Variants in PRRC2C observed in about 807,000 individuals in gnomAD.
PRRC2C encodes proline rich coiled-coil 2C.
Under a neutral mutation model 317.2 loss-of-function variants are expected in PRRC2C, and 72 were observed. The observed-to-expected ratio is 0.23, with a 90% confidence interval of 0.19 to 0.28. PRRC2C has a LOEUF of 0.28. Ranked by LOEUF, PRRC2C falls within the 10% of genes least tolerant of loss-of-function variation. The pLI, the probability that PRRC2C is intolerant of heterozygous loss-of-function variation, is 1.00. For missense variants in PRRC2C, 3,074 were observed against 3,459.7 expected (o/e 0.89, Z 2.80); for synonymous variants, 1,296 against 1,205.9 (o/e 1.07, Z -1.55).
intron 1 of PRRC2C, among the ~76,000 whole-genome samples, chr1:171,501,241 G>A (rs540107000): frequency 4.7e-5 from 7 of 149,560 alleles, no homozygotes; most frequent in African/African-American, 1.2e-4. Context: ...GCAGTCCTCC[G>A]TGCCTCAGCC....
In PRRC2C at chr1:171,541,358, A is replaced by C. The variant is rs373909749; in HGVS notation, c.3892A>C (p.Lys1298Gln). 7.4e-6 allele frequency: 12 copies of C among 1,611,682 alleles called. No individual in the cohort carries two copies. The East Asian group carries it at 1.3e-4, about 18-fold the overall frequency. ...CAAAAGAGAGGAACGGCCTGAAAACAAAAAACCTGTAAAGCCTCATTCTTC... is the reference window on the plus strand; with the variant it reads ...CAAAAGAGAGGAACGGCCTGAAAACCAAAAACCTGTAAAGCCTCATTCTTC... The part of the protein sequence containing the change: ...LPKREERPEN[K>Q]KPVKPHSSFK... The change falls in exon 16 of 35, where the codon AAA becomes CAA. Residue 1298 changes from lysine (K) to glutamine (Q), a missense_variant. Lys to Gln is a moderately conservative substitution (Grantham distance 53, BLOSUM62 1). Transcript: ENST00000647382. The surrounding 1 kb of genome is among the most constrained non-coding windows in gnomAD (Gnocchi z 4.1).
chr1:171,524,771 C>T, intron 9 of PRRC2C, 50 bp from the exon 10 acceptor site: 1 of 1,489,310 alleles, frequency 6.7e-7, no homozygotes, highest in South Asian at 1.4e-5. Flanking sequence ...AATGTGTGTA[C>T]TTATGATACA....
At chr1:171,487,914 T>C (rs960313986) in intron 1 of PRRC2C, among the ~76,000 whole-genome samples, 2 of 152,210 alleles carry the variant, frequency 1.3e-5, no homozygotes, top group East Asian at 1.9e-4. Flanking sequence ...TGTCTACTTA[T>C]ATGCAGGATT....
chr1:171,570,147 G>A (rs1197127753), intron 23 of PRRC2C, among the ~76,000 whole-genome samples: 2 of 152,168 alleles, frequency 1.3e-5, no homozygotes, highest in African/African-American at 4.8e-5. Flanking sequence ...TCATGGTGTT[G>A]CTTACTTGTG....
At chr1:171,515,023 G>A (rs58832725) in intron 4 of PRRC2C, among the ~76,000 whole-genome samples, 12,331 of 152,236 alleles carry the variant, frequency 0.081, 1,646 homozygotes, top group African/African-American at 0.28. Flanking sequence ...ATGCTGCCAC[G>A]ATTCCTGAGA....
At chr1:171,590,426 T>C (rs1651171859) in intron 34 of PRRC2C, among the ~76,000 whole-genome samples, 1 of 152,216 alleles carries the variant, frequency 6.6e-6, no homozygotes, top group Non-Finnish European at 1.5e-5. Context: ...TCAGGGATCT[T>C]AGTAATTTTT....
intron 12 of PRRC2C, 138 bp downstream of exon 12, chr1:171,533,099 T>C (rs1676166636): frequency 3.4e-6 from 3 of 879,440 alleles, no homozygotes; most frequent in Non-Finnish European, 4.8e-6. Context: ...CAGTACAAAA[T>C]ATGGGCTAGA....
chr1:171,501,794 A>G (rs1213740014), intron 1 of PRRC2C, among the ~76,000 whole-genome samples: 1 of 152,222 alleles, frequency 6.6e-6, no homozygotes, highest in African/African-American at 2.4e-5. Flanking sequence ...GGCAAATGCT[A>G]CTGAGCATGC....
chr1:171,525,136 T>C (rs1402408725), intron 10 of PRRC2C, among the ~76,000 whole-genome samples, 171 bp downstream of exon 10: 1 of 152,222 alleles, frequency 6.6e-6, no homozygotes, highest in African/African-American at 2.4e-5. Context: ...TTATTGCATT[T>C]AACCGGAATT....
In PRRC2C at chr1:171,517,588, T is replaced by G; in HGVS notation, c.527-3T>G. The stretch of plus-strand genomic sequence containing the variant: ...TTTCCTTTTTTCTCTGCCTTCATAC[T>G]AGATGTTGCTTGTTGGAGAGATGGT... On this transcript the variant is annotated splice_region_variant and splice_polypyrimidine_tract_variant and intron_variant, in intron 5 of 34. Coordinates refer to ENST00000647382, the MANE Select transcript of PRRC2C (RefSeq NM_001387844.1). The G allele has an allele frequency of 6.2e-7, 1 of 1,611,760 alleles. No homozygotes were observed. The highest frequency in any genetic ancestry group is 8.5e-7 in the Non-Finnish European group (1 of 1,178,736).
In PRRC2C at chr1:171,527,848, A is replaced by G; in HGVS notation, c.1254+4A>G. 1.3e-6 allele frequency: 2 copies of G among 1,573,552 alleles called. No homozygotes were observed. Among genetic ancestry groups the G allele is most frequent in the Non-Finnish European group, 1.7e-6 (2 of 1,156,640 alleles). On this transcript the variant is annotated splice_donor_region_variant and intron_variant, in intron 11 of 34. Transcript: ENST00000647382. Reference sequence around the variant, plus strand: ...TCCAAAGTTGCTTGCACAGCAGGTAAATTTTAAGTGCTTGTTTATGGATTA... The same window carrying G: ...TCCAAAGTTGCTTGCACAGCAGGTAGATTTTAAGTGCTTGTTTATGGATTA...
chr1:171,583,635 A>G (rs1469511233), intron 28 of PRRC2C, among the ~76,000 whole-genome samples: 3 of 152,252 alleles, frequency 2.0e-5, no homozygotes, highest in Admixed American at 1.3e-4. Context: ...ATCAGATATT[A>G]TGTACTGTAT....
chr1:171,555,610 C>A (rs1681213434), intron 18 of PRRC2C, among the ~76,000 whole-genome samples: 1 of 152,056 alleles, frequency 6.6e-6, no homozygotes, highest in African/African-American at 2.4e-5. Flanking sequence ...TTTTATTTAC[C>A]TTTGGTCTTT....
Position 171,558,158 on chromosome 1 carries a change from A to G in PRRC2C, c.6031+15A>G, listed in dbSNP as rs1008334613. On this transcript the variant is annotated intron_variant, in intron 19 of 34. Transcript: ENST00000647382. ...CTCTAAGAAATGTAAGTTGCAAAAG[A>G]GAAGTGAGGGGTGGGGAATGGCATA... 6.3e-7 allele frequency: 1 copy of G among 1,599,032 alleles called. No individual in the cohort carries two copies. Among genetic ancestry groups the G allele is most frequent in the Admixed American group, 1.7e-5 (1 of 58,990 alleles).
Position 171,540,087 on chromosome 1 carries a change from A to C in PRRC2C, c.2621A>C (p.Gln874Pro), listed in dbSNP as rs969396653. The C allele has an allele frequency of 6.2e-7, 1 of 1,613,914 alleles. No individual in the cohort carries two copies. Among genetic ancestry groups the C allele is most frequent in the African/African-American group, 1.3e-5 (1 of 74,948 alleles). ...AGAGAATCAAGTGAGGCACAAGTAC[A>C]AAAGTTTTTAAGCAGATCTGTGGAA... Reference protein sequence around the residue: ...FIRESSEAQVQKFLSRSVEDV... With the variant: ...FIRESSEAQVPKFLSRSVEDV... The change falls in exon 16 of 35, where the codon CAA (glutamine) becomes CCA (proline). Residue 874 changes from glutamine to proline, a missense_variant. By Grantham distance (76) the Gln-to-Pro change is moderately conservative (BLOSUM62 -1). Transcript: ENST00000647382.
intron 18 of PRRC2C, among the ~76,000 whole-genome samples, 176 bp downstream of exon 18, chr1:171,550,416 A>G (rs1424188912): frequency 2.0e-5 from 3 of 152,120 alleles, no homozygotes; most frequent in Non-Finnish European, 4.4e-5. Context: ...AATTTTAAAT[A>G]AAATATAAGG....
chr1:171,585,888 C>T (rs1159161302), intron 30 of PRRC2C, among the ~76,000 whole-genome samples: 1 of 151,830 alleles, frequency 6.6e-6, no homozygotes, highest in Non-Finnish European at 1.5e-5. Flanking sequence ...TTTGCGTATA[C>T]ATAATGAGGT....
chr1:171,529,102 A>G (rs56287120), intron 11 of PRRC2C, among the ~76,000 whole-genome samples: 23,347 of 152,056 alleles, frequency 0.15, 2,384 homozygotes, highest in East Asian at 0.45. Context: ...TCCTTAAAAC[A>G]CTTTTTTATC....
chr1:171,528,581 G>A (rs370254285), intron 11 of PRRC2C, among the ~76,000 whole-genome samples: 13 of 152,004 alleles, frequency 8.6e-5, no homozygotes, highest in South Asian at 2.1e-4. Context: ...GTGAGCCACC[G>A]CGCCCGGCCA....
Sources: gnomAD v4.1 joint callset for allele counts (sites outside exome capture counted in the v4.1 genomes callset) on GRCh38, gnomAD v4.1.1 for gene constraint, Gnocchi (gnomAD v3.1) non-coding constraint, MANE v1.5 for transcripts, NCBI Gene and HGNC (gene_info 2026-07-23, HGNC 2026-07-21) for gene names.